Variants in NELL2 observed in about 807,000 individuals in gnomAD.
NELL2 encodes the protein protein kinase C-binding protein NELL2.
Under a neutral mutation model 109.6 loss-of-function variants are expected in NELL2, and 41 were observed. That is an observed-to-expected ratio of 0.37 (90% CI 0.29 to 0.49). NELL2 has a LOEUF of 0.49. Ranked by LOEUF, NELL2 falls within the 20% of genes least tolerant of loss-of-function variation. The pLI, the probability that NELL2 is intolerant of heterozygous loss-of-function variation, is 0.98. For missense variants in NELL2, 900 were observed against 1,008.3 expected (o/e 0.89, Z 1.45); for synonymous variants, 355 against 344.7 (o/e 1.03, Z -0.33).
rs1374347773 is a variant in NELL2, at chr12:44,574,332, AAG to A, written c.1663+32835_1663+32836del. ...AATCTGTACAAATTATAATTACAAAAAGAGTTGAAATTTTATAAAATTTGAAA... is the reference window on the plus strand; with the variant it reads ...AATCTGTACAAATTATAATTACAAAAAGTTGAAATTTTATAAAATTTGAAA... On this transcript the variant is annotated intron_variant, in intron 15 of 19. Transcript: ENST00000429094. 2.6e-5 allele frequency among the ~76,000 whole-genome samples: 4 copies of A among 152,274 alleles called. No individual in the cohort carries two copies. The East Asian group carries it at 5.8e-4, about 22-fold the overall frequency.
intron 13 of NELL2, among the ~76,000 whole-genome samples, chr12:44,624,409 G>A (rs1411563082): frequency 1.3e-5 from 2 of 151,948 alleles, no homozygotes; most frequent in East Asian, 3.9e-4. Flanking sequence ...CCTGCTCTAG[G>A]GAAAACGCTC....
At chr12:44,748,207 T>A (rs1940483876) in intron 9 of NELL2, among the ~76,000 whole-genome samples, 1 of 152,160 alleles carries the variant, frequency 6.6e-6, no homozygotes, top group South Asian at 2.1e-4. Context: ...AATTTAAGAA[T>A]ATAAATAACA....
chr12:44,576,513 T>C (rs1009721364), intron 15 of NELL2, among the ~76,000 whole-genome samples: 6 of 152,124 alleles, frequency 3.9e-5, no homozygotes, highest in Non-Finnish European at 8.8e-5. Context: ...ACATCTATCT[T>C]ATGATGTACC....
chr12:44,824,577 C>A (rs1943645877), intron 2 of NELL2, among the ~76,000 whole-genome samples: 1 of 152,042 alleles, frequency 6.6e-6, no homozygotes, highest in African/African-American at 2.4e-5. Flanking sequence ...AGATTTATTT[C>A]TGGGCTATAA....
intron 2 of NELL2, among the ~76,000 whole-genome samples, chr12:44,833,146 T>C (rs1289295300): frequency 6.6e-6 from 1 of 152,234 alleles, no homozygotes; most frequent in Non-Finnish European, 1.5e-5. Flanking sequence ...AATGTTTTGC[T>C]TTTTGTTTTC....
chr12:44,529,310 C>T (rs945658390), intron 16 of NELL2, among the ~76,000 whole-genome samples: 1 of 152,088 alleles, frequency 6.6e-6, no homozygotes, highest in African/African-American at 2.4e-5. Flanking sequence ...GAAACAATGA[C>T]TCTAAGATGT....
intron 15 of NELL2, among the ~76,000 whole-genome samples, chr12:44,568,566 A>G (rs1489664987): frequency 6.6e-6 from 1 of 152,108 alleles, no homozygotes; most frequent in Non-Finnish European, 1.5e-5. Context: ...AGGCAAACTG[A>G]TTCTTAAAGG....
At chr12:44,796,593 T>G (rs1942628856) in intron 3 of NELL2, among the ~76,000 whole-genome samples, 1 of 152,080 alleles carries the variant, frequency 6.6e-6, no homozygotes. Context: ...TTAAAGACCC[T>G]CAGTAATAAA....
chr12:44,601,189 C>T (rs1474444181), intron 15 of NELL2, among the ~76,000 whole-genome samples: 1 of 152,030 alleles, frequency 6.6e-6, no homozygotes, highest in Non-Finnish European at 1.5e-5. Context: ...GATGTGTCCT[C>T]ATTTCCAGTG....
At chr12:44,632,853 A>G (rs1344144683) in intron 13 of NELL2, among the ~76,000 whole-genome samples, 1 of 152,058 alleles carries the variant, frequency 6.6e-6, no homozygotes, top group Non-Finnish European at 1.5e-5. Flanking sequence ...TTATAATTCA[A>G]TTATCTCTAT....
chr12:44,851,778 T>C (rs973739529), intron 2 of NELL2: 1 of 152,172 alleles, frequency 6.6e-6, no homozygotes, highest in African/African-American at 2.4e-5. Context: ...GTTTCCAAGG[T>C]TGGCAACAAT....
rs117715743 is a variant in NELL2, at chr12:44,831,628, C to G, written c.185-15492G>C. Among the ~76,000 whole-genome samples, 121 of 152,286 alleles carry G rather than the reference C, an allele frequency of 7.9e-4. No individual in the cohort carries two copies. In the East Asian group the frequency reaches 0.022, roughly 28 times the overall value. ...CTATATCCTTTTCAGCTAAAGTGAA[C>G]AGGTGATGTAAATCCTCGCCACTGG... On this transcript the variant is annotated intron_variant, in intron 2 of 19. Transcript: ENST00000429094.
At chr12:44,818,725 ATTTTTTTTTTTTTATT>A (rs1943438058) in intron 2 of NELL2, among the ~76,000 whole-genome samples, 2 of 72,146 alleles carry the variant, frequency 2.8e-5, no homozygotes, top group South Asian at 5.1e-4. Flanking sequence ...TTGTTCACTT[ATTTTTTTTTTTTTATT>A]TTTTTTTTTT....
At chr12:44,827,170 A>G (rs1249522956) in intron 2 of NELL2, among the ~76,000 whole-genome samples, 1 of 152,146 alleles carries the variant, frequency 6.6e-6, no homozygotes, top group Non-Finnish European at 1.5e-5. Flanking sequence ...AATTATGTGG[A>G]TCCAAGGTAG....
chr12:44,798,911 T>C (rs2136647662), intron 3 of NELL2, among the ~76,000 whole-genome samples: 1 of 149,466 alleles, frequency 6.7e-6, no homozygotes, highest in African/African-American at 2.5e-5. Context: ...TGGCTATTCA[T>C]ATAGGGGAAA....
intron 11 of NELL2, among the ~76,000 whole-genome samples, chr12:44,710,006 G>T (rs187996416): frequency 3.9e-5 from 6 of 152,284 alleles, no homozygotes; most frequent in Non-Finnish European, 7.3e-5. Flanking sequence ...TATTACTGCA[G>T]GTTACCCTGA....
At chr12:44,659,619 T>C (rs888274214) in intron 13 of NELL2, among the ~76,000 whole-genome samples, 2 of 152,140 alleles carry the variant, frequency 1.3e-5, no homozygotes, top group African/African-American at 4.8e-5. Flanking sequence ...CTCTGGTCAT[T>C]AGTGATAACT....
chr12:44,536,174 T>A (rs1942286396), intron 15 of NELL2, among the ~76,000 whole-genome samples: 1 of 151,954 alleles, frequency 6.6e-6, no homozygotes, highest in Non-Finnish European at 1.5e-5. Context: ...AAGCCAAAGA[T>A]CTAATAAAAC....
At chr12:44,533,456 G>GA (rs896452786) in intron 15 of NELL2, among the ~76,000 whole-genome samples, 29 of 149,040 alleles carry the variant, frequency 1.9e-4, no homozygotes, top group East Asian at 7.8e-4. Flanking sequence ...TTGAACATGT[G>GA]AAAAAAAAAA....
Sources: gnomAD v4.1 joint callset for allele counts (sites outside exome capture counted in the v4.1 genomes callset) on GRCh38, gnomAD v4.1.1 for gene constraint, MANE v1.5 for transcripts, NCBI Gene and HGNC (gene_info 2026-07-23, HGNC 2026-07-21) for gene names.